The following CLPTM1L variants were observed in gnomAD, a reference collection of about 807,000 sequenced individuals.
CLPTM1L encodes CLPTM1 like.
In CLPTM1L, 38 loss-of-function variants were observed where a neutral mutation model predicts 70.9. That is an observed-to-expected ratio of 0.54 (90% CI 0.41 to 0.70). The LOEUF (loss-of-function observed/expected upper bound fraction) is 0.70. Among genes scored for constraint, CLPTM1L ranks in the 30% least tolerant of loss-of-function variants. The probability of loss-of-function intolerance (pLI) is 0.00; values close to 1 mark genes in which losing one functional copy is unlikely to be tolerated. For synonymous variants in CLPTM1L, 339 were observed against 299.9 expected (o/e 1.13, Z -1.35); for missense variants, 652 against 705.9 (o/e 0.92, Z 0.87).
rs1364037633 is a variant in CLPTM1L, at chr5:1,338,892, G to C, written c.567C>G (p.Ser189=). 6.2e-7 allele frequency: 1 copy of C among 1,613,338 alleles called. No individual in the cohort carries two copies. The highest frequency in any genetic ancestry group is 2.2e-5 in the East Asian group (1 of 44,892). The part of the protein sequence containing the change: ...MADNFVFDGS[S]LPADVHRYMK... ...TGTACCGATGCACATCGGCAGGCAG[G>C]GAGGACCCGTCAAAGACAAAGTTGT... is the stretch of plus-strand genomic sequence containing the variant. The change falls in exon 4 of 17, where the codon TCC becomes TCG. Residue 189 remains serine, a synonymous_variant. Coordinates refer to ENST00000320895, the MANE Select transcript of CLPTM1L (RefSeq NM_030782.5).
intron 1 of CLPTM1L, 91 bp from the exon 2 acceptor site, chr5:1,344,542 G>A: frequency 1.4e-6 from 2 of 1,473,396 alleles, no homozygotes; most frequent in Admixed American, 1.9e-5. Flanking sequence ...GGAAGACCTG[G>A]CCGCTGGGGA....
Position 1,341,746 on chromosome 5 carries a change from C to G in CLPTM1L, c.378G>C (p.Leu126=), listed in dbSNP as rs766547498. 6.2e-7 allele frequency: 1 copy of G among 1,614,046 alleles called. No homozygotes were observed. The highest frequency in any genetic ancestry group is 8.5e-7 in the Non-Finnish European group (1 of 1,180,004). ...LPWHDGKQVH[L]VSPLTTYMVP... ...CCATGTAGGTGGTCAGAGGACTGAC[C>G]AGGTGCACCTGCTTCCCGTCGTGCC... Residue 126 remains leucine, a synonymous_variant, in exon 3 of 17, where the codon CTG becomes CTC. Transcript: ENST00000320895.
rs973654409 is a variant in CLPTM1L at position 1,342,585 on chromosome 5, T to G, written c.264-725A>C. On this transcript the variant is annotated intron_variant, in intron 2 of 16. Coordinates refer to ENST00000320895, the MANE Select transcript of CLPTM1L (RefSeq NM_030782.5). The surrounding 1 kb of genome is among the most constrained non-coding windows in gnomAD (Gnocchi z 4.3). ...TGTTTACGGTTACATGAGTTCTTCT[T>G]CCTCTTTAAAAGTCTCTTTTTTGAG... 1.3e-5 allele frequency among the ~76,000 whole-genome samples: 2 copies of G among 152,192 alleles called. No individual in the cohort carries two copies. The highest frequency in any genetic ancestry group is 2.1e-4 in the South Asian group (1 of 4,830).
chr5:1,339,762 G>A (rs1307288868), intron 3 of CLPTM1L, among the ~76,000 whole-genome samples: 3 of 73,200 alleles, frequency 4.1e-5, no homozygotes, highest in Admixed American at 1.1e-4. Flanking sequence ...AACCGCGCCC[G>A]GACAGCAGGG....
Position 1,342,966 on chromosome 5 carries a change from G to A in CLPTM1L, c.264-1106C>T, listed in dbSNP as rs1579659384. Among the ~76,000 whole-genome samples the A allele has an allele frequency of 1.3e-5, 2 of 152,264 alleles. No homozygotes were observed. The highest frequency in any genetic ancestry group is 3.9e-4 in the East Asian group (2 of 5,194). On this transcript the variant is annotated intron_variant, in intron 2 of 16. Transcript: ENST00000320895. The surrounding 1 kb of genome is among the most constrained non-coding windows in gnomAD (Gnocchi z 4.3). ...CCAGCACCTTGGGAGGCCGAGCCGG[G>A]CAGATCACGAGGTCAGGAGTTTCAG...
rs141467086 is a variant in CLPTM1L, at chr5:1,332,251, C to T, written c.892-368G>A. 2.7e-3 allele frequency: 600 copies of T among 218,492 alleles called. 3 individuals are homozygous for T. The highest frequency in any genetic ancestry group is 0.012 in the African/African-American group (532 of 44,782). The allele number at this position is 218,492 out of a possible 1,614,324, so 13.5% of individuals were successfully genotyped here. On this transcript the variant is annotated intron_variant, in intron 7 of 16. Coordinates refer to ENST00000320895, the MANE Select transcript of CLPTM1L (RefSeq NM_030782.5). ...CCTCATCTCTCAACTGTGCTAAAAA[C>T]GCAAGGGCTGGGCATGGTGGCCCAT...
At chr5:1,327,832 A>G (rs1451144442) in intron 9 of CLPTM1L, among the ~76,000 whole-genome samples, 378 of 129,326 alleles carry the variant, frequency 2.9e-3, no homozygotes, top group Non-Finnish European at 4.0e-3. Context: ...TCCTCTACAG[A>G]CACATTCCAT....
intron 12 of CLPTM1L, 108 bp from the exon 13 acceptor site, chr5:1,323,019 T>C: frequency 8.8e-7 from 1 of 1,130,430 alleles, no homozygotes; most frequent in Non-Finnish European, 1.3e-6. Context: ...AATACCCAGA[T>C]GCTCTCACGG....
chr5:1,332,325 C>A (rs1033156023), intron 7 of CLPTM1L: 1 of 168,306 alleles, frequency 5.9e-6, no homozygotes, highest in Non-Finnish European at 1.3e-5. Context: ...ACCACCTAAG[C>A]CCAGGGGTTT....
At chr5:1,335,764 G>A (rs1260642607) in intron 5 of CLPTM1L, among the ~76,000 whole-genome samples, 4 of 152,190 alleles carry the variant, frequency 2.6e-5, no homozygotes, top group Admixed American at 6.5e-5. Flanking sequence ...GGGGCCTCAC[G>A]CACACAGGCT....
intron 3 of CLPTM1L, 121 bp from the exon 4 acceptor site, chr5:1,339,126 A>G: frequency 8.5e-7 from 1 of 1,176,238 alleles, no homozygotes; most frequent in Non-Finnish European, 1.2e-6. Context: ...TGCCCGGGAC[A>G]GCAGGGTCAG....
chr5:1,319,536 G>A (rs1270329387), intron 16 of CLPTM1L, among the ~76,000 whole-genome samples: 2 of 152,214 alleles, frequency 1.3e-5, no homozygotes, highest in South Asian at 2.1e-4. Context: ...GAGACAGGGC[G>A]GGGACGGGAG....
At chr5:1,325,121 C>A in intron 10 of CLPTM1L, 1 of 475,198 alleles carries the variant, frequency 2.1e-6, no homozygotes, top group Non-Finnish European at 3.8e-6. Flanking sequence ...AGCACACAGG[C>A]ACAGCCAACA....
rs373375952 is a variant in CLPTM1L at position 1,339,023 on chromosome 5, C to G, written c.454-18G>C. 20 of 1,609,310 alleles carry G rather than the reference C, an allele frequency of 1.2e-5. No homozygotes were observed. Among genetic ancestry groups the G allele is most frequent in the Non-Finnish European group, 1.5e-5 (18 of 1,177,120 alleles). On this transcript the variant is annotated intron_variant, in intron 3 of 16. Coordinates refer to ENST00000320895, the MANE Select transcript of CLPTM1L (RefSeq NM_030782.5). ...TCGATCTGCTGTTAAGTGAGGAAAA[C>G]AGAGGCCAATGCTGGGACAGAAAAC...
At position 1,321,876 on chromosome 5, in the gene CLPTM1L, G is replaced by A. The variant is rs937033819; in HGVS notation, c.1316-57C>T. 10 of 1,502,632 alleles carry A rather than the reference G, an allele frequency of 6.7e-6. No individual in the cohort carries two copies. In the Admixed American group the frequency reaches 1.3e-4, roughly 19 times the overall value. The allele number at this position is 1,502,632 out of a possible 1,614,324, so 93.1% of individuals were successfully genotyped here. Reference sequence around the variant, plus strand: ...CGGAGGGCCGGGCTGCCACATCTACGCACAGACGGCACTCACGAGGTGTGG... The same window carrying A: ...CGGAGGGCCGGGCTGCCACATCTACACACAGACGGCACTCACGAGGTGTGG... On this transcript the variant is annotated intron_variant, in intron 13 of 16. Coordinates refer to ENST00000320895, the MANE Select transcript of CLPTM1L (RefSeq NM_030782.5).
chr5:1,328,777 A>G (rs189909801), intron 9 of CLPTM1L, among the ~76,000 whole-genome samples: 2 of 47,090 alleles, frequency 4.2e-5, no homozygotes, highest in African/African-American at 1.9e-4. Context: ...CTCCATCCAG[A>G]TCCTCCTCTA....
intron 7 of CLPTM1L, among the ~76,000 whole-genome samples, chr5:1,333,035 G>A (rs1753221509): frequency 7.8e-6 from 1 of 127,620 alleles, no homozygotes; most frequent in Non-Finnish European, 1.7e-5. Flanking sequence ...GGATAAGGGG[G>A]GACTACTGTA....
At chr5:1,344,267 G>A in intron 2 of CLPTM1L, 84 bp downstream of exon 2, 3 of 915,038 alleles carry the variant, frequency 3.3e-6, no homozygotes, top group Admixed American at 2.0e-5. Context: ...AAATAAACAT[G>A]TTATGTACAG....
chr5:1,344,731 G>A lies in CLPTM1L; in HGVS notation c.111C>T (p.Ser37=), dbSNP rs760266337. 1.6e-5 allele frequency: 25 copies of A among 1,598,458 alleles called. No individual in the cohort carries two copies. Among genetic ancestry groups the A allele is most frequent in the East Asian group, 2.3e-5 (1 of 43,618 alleles). The change falls in exon 1 of 17, where the codon TCC becomes TCT. Residue 37 remains serine (S), a synonymous_variant. Coordinates refer to ENST00000320895, the MANE Select transcript of CLPTM1L (RefSeq NM_030782.5). ...AGGGCTGGATGCAGTTGGCGTCGCCGGAGCACGGGCGGGTGTAGACGATGC... is the reference window on the plus strand; with the variant it reads ...AGGGCTGGATGCAGTTGGCGTCGCCAGAGCACGGGCGGGTGTAGACGATGC... ...MYGIVYTRPC[S]GDANCIQPYL...
Sources: allele counts gnomAD v4.1 joint callset (sites outside exome capture counted in the v4.1 genomes callset), GRCh38; gene constraint gnomAD v4.1.1; non-coding constraint Gnocchi (gnomAD v3.1); transcripts MANE v1.5; gene names NCBI Gene and HGNC (gene_info 2026-07-23, HGNC 2026-07-21).